PRSS12: variants seen among roughly 807,000 people sequenced by gnomAD.
The protein encoded by PRSS12 is neurotrypsin.
Under a neutral mutation model 104.4 loss-of-function variants are expected in PRSS12, and 85 were observed. The ratio of observed to expected loss-of-function variants is 0.81; its 90% CI spans 0.68 to 0.98. PRSS12 has a LOEUF of 0.98. Among genes scored for constraint, PRSS12 ranks in the 50% least tolerant of loss-of-function variants. The pLI, the probability that PRSS12 is intolerant of heterozygous loss-of-function variation, is 0.00. For synonymous variants in PRSS12, 454 were observed against 425.2 expected (o/e 1.07, Z -0.83); for missense variants, 1,141 against 1,139.2 (o/e 1.00, Z -0.02).
At chr4:118,334,556 A>T (rs1384012295) in intron 3 of PRSS12, among the ~76,000 whole-genome samples, 1 of 152,140 alleles carries the variant, frequency 6.6e-6, no homozygotes, top group Non-Finnish European at 1.5e-5. Flanking sequence ...TGCCTCTCCC[A>T]GTCAAAAAAA....
At chr4:118,294,328 C>CA (rs1743201690) in intron 11 of PRSS12, among the ~76,000 whole-genome samples, 1 of 152,016 alleles carries the variant, frequency 6.6e-6, no homozygotes, top group South Asian at 2.1e-4. Flanking sequence ...CCAAGGCCCA[C>CA]AAAAAAGCAC....
chr4:118,349,688 C>T (rs1724443525), intron 1 of PRSS12, among the ~76,000 whole-genome samples: 1 of 152,088 alleles, frequency 6.6e-6, no homozygotes, highest in African/African-American at 2.4e-5. Context: ...AATGCAGGAA[C>T]TCACTCAGAA....
intron 4 of PRSS12, among the ~76,000 whole-genome samples, chr4:118,331,424 T>C (rs80015778): frequency 6.6e-6 from 1 of 152,258 alleles, no homozygotes; most frequent in African/African-American, 2.4e-5. Context: ...GTCACTATAG[T>C]TTACAGTGCT....
chr4:118,282,079 G>A lies in PRSS12; in HGVS notation c.2485C>T (p.Leu829Phe), dbSNP rs769190204. ...DSCQGDSGGPLMCERPGESWV... is the reference protein window; with the variant it reads ...DSCQGDSGGPFMCERPGESWV... The stretch of plus-strand genomic sequence containing the variant: ...CTCTCTCCGGGCCGTTCACACATGA[G>A]TGGTCCTCCGCTGTCTCCCTGGCAG... The change falls in exon 13 of 13, where the codon CTC becomes TTC. Residue 829 changes from leucine to phenylalanine, a missense_variant. By Grantham distance (22) the Leu-to-Phe change is conservative. Coordinates refer to ENST00000296498, the MANE Select transcript of PRSS12 (RefSeq NM_003619.4). 1 of 1,614,044 alleles carries A rather than the reference G, an allele frequency of 6.2e-7. No individual in the cohort carries two copies. Among genetic ancestry groups the A allele is most frequent in the Non-Finnish European group, 8.5e-7 (1 of 1,180,038 alleles).
intron 11 of PRSS12, among the ~76,000 whole-genome samples, chr4:118,289,839 C>A (rs951409157): frequency 6.6e-6 from 1 of 152,162 alleles, no homozygotes; most frequent in Non-Finnish European, 1.5e-5. Context: ...TTAAAAGAAT[C>A]TTGTATTATA....
In PRSS12 at chr4:118,308,540, T is replaced by C; in HGVS notation, c.1527A>G (p.Lys509=). 1 of 1,614,074 alleles carries C rather than the reference T, an allele frequency of 6.2e-7. No individual in the cohort carries two copies. Among genetic ancestry groups the C allele is most frequent in the Non-Finnish European group, 8.5e-7 (1 of 1,179,970 alleles). ...TGATAAAAACCTCCACTCGTCCTTC[T>C]TTCTTATTTTCTCCATCCATCAGTC... ...PVRLMDGENK[K]EGRVEVFING... Residue 509 remains lysine, a synonymous_variant, in exon 8 of 13, where the codon AAA becomes AAG. Coordinates refer to ENST00000296498, the MANE Select transcript of PRSS12 (RefSeq NM_003619.4).
rs186824625 is a variant in PRSS12 at position 118,351,617 on chromosome 4, T to C, written c.502+602A>G. 2.7e-3 allele frequency among the ~76,000 whole-genome samples: 417 copies of C among 152,308 alleles called. 2 individuals are homozygous for C. Among genetic ancestry groups the C allele is most frequent in the African/African-American group, 9.4e-3 (392 of 41,562 alleles). Reference sequence around the variant, plus strand: ...TTCCCATCTCTTTTCCCTTTCTTTTTTTCCAGTCACTGATGATACTTACCA... The same window carrying C: ...TTCCCATCTCTTTTCCCTTTCTTTTCTTCCAGTCACTGATGATACTTACCA... On this transcript the variant is annotated intron_variant, in intron 1 of 12. Transcript: ENST00000296498.
chr4:118,291,445 A>T (rs891862056), intron 11 of PRSS12, among the ~76,000 whole-genome samples: 1 of 152,200 alleles, frequency 6.6e-6, no homozygotes, highest in Non-Finnish European at 1.5e-5. Flanking sequence ...CCATCTTTGA[A>T]CTGTCCTCGT....
intron 2 of PRSS12, among the ~76,000 whole-genome samples, chr4:118,337,634 T>A (rs1291391324): frequency 1.3e-5 from 2 of 152,146 alleles, no homozygotes; most frequent in Non-Finnish European, 2.9e-5. Context: ...ACCTAAGGCC[T>A]GGGACATCAC....
chr4:118,305,120 TACACAC>T (rs1251673991), intron 8 of PRSS12, among the ~76,000 whole-genome samples: 4 of 141,338 alleles, frequency 2.8e-5, no homozygotes, highest in African/African-American at 1.0e-4. Flanking sequence ...TATATATATA[TACACAC>T]ACACACACAC....
At chr4:118,330,630 T>G (rs940687840) in intron 4 of PRSS12, among the ~76,000 whole-genome samples, 7 of 152,156 alleles carry the variant, frequency 4.6e-5, no homozygotes, top group Non-Finnish European at 1.0e-4. Flanking sequence ...CCAAGGACAC[T>G]GTAGGGGCAA....
intron 1 of PRSS12, among the ~76,000 whole-genome samples, chr4:118,351,599 C>A (rs563579129): frequency 7.2e-5 from 11 of 152,268 alleles, no homozygotes; most frequent in African/African-American, 2.6e-4. Context: ...GTATTCCCAT[C>A]TCTTTTCCCT....
rs980368947 is a variant in PRSS12, at chr4:118,282,114, C to T, written c.2450G>A (p.Arg817His). ...GCTGTCTCCCTGGCAGCTGTCCACG[C>T]GTTTGTGTTCATGGAGGTTTCCAGC... ...LCAGNLHEHK[R>H]VDSCQGDSGG... is the part of the protein sequence containing the mutation. The change falls in exon 13 of 13, where the codon CGC becomes CAC. Residue 817 changes from arginine to histidine, a missense_variant. Coordinates refer to ENST00000296498, the MANE Select transcript of PRSS12 (RefSeq NM_003619.4). 9.3e-6 allele frequency: 15 copies of T among 1,614,074 alleles called. No homozygotes were observed. Among genetic ancestry groups the T allele is most frequent in the Middle Eastern group, 1.6e-4 (1 of 6,084 alleles).
chr4:118,295,740 T>C (rs773377590), intron 10 of PRSS12, 38 bp downstream of exon 10: 1 of 1,546,802 alleles, frequency 6.5e-7, no homozygotes, highest in African/African-American at 1.4e-5. Flanking sequence ...TATAAATAAT[T>C]CTGTAATATA....
intron 12 of PRSS12, among the ~76,000 whole-genome samples, chr4:118,282,602 T>C (rs1396669724): frequency 6.6e-6 from 1 of 152,228 alleles, no homozygotes; most frequent in South Asian, 2.1e-4. Context: ...CATCAATTCA[T>C]ATCTACTTCA....
chr4:118,352,294 CGTCGGGGCTCCGACAAA>C lies in PRSS12; in HGVS notation c.410_426del (p.Phe137TrpfsTer36). On this transcript the variant is annotated frameshift_variant, in exon 1 of 13. Transcript: ENST00000296498. LOFTEE classifies it high-confidence loss of function. ...TAGAAACACCAGGGTCTGCCCGCGC[CGTCGGGGCTCCGACAAA>C]AGTTGTGGCGCTGTCCTCGCAGCTG... 3.1e-6 allele frequency: 5 copies of C among 1,604,946 alleles called. No individual in the cohort carries two copies. Among genetic ancestry groups the C allele is most frequent in the Non-Finnish European group, 4.2e-6 (5 of 1,177,494 alleles).
At chr4:118,295,904 G>A (rs1351434731) in intron 9 of PRSS12, 48 bp from the exon 10 acceptor site, 2 of 1,507,454 alleles carry the variant, frequency 1.3e-6, no homozygotes, top group Non-Finnish European at 1.8e-6. Flanking sequence ...TGCTGACAGA[G>A]GGGTAAGACG....
At chr4:118,295,185 G>T (rs1458783349) in intron 10 of PRSS12, 124 bp from the exon 11 acceptor site, 4 of 1,274,694 alleles carry the variant, frequency 3.1e-6, no homozygotes, top group Non-Finnish European at 4.4e-6. Flanking sequence ...GAAAGCAAAA[G>T]GGACTCCAGG....
chr4:118,304,708 C>T (rs954321987), intron 8 of PRSS12, among the ~76,000 whole-genome samples: 10 of 152,100 alleles, frequency 6.6e-5, no homozygotes, highest in Middle Eastern at 3.4e-3. Context: ...CAACAATCTA[C>T]GAACAATATG....
Sources: allele counts gnomAD v4.1 joint callset (sites outside exome capture counted in the v4.1 genomes callset), GRCh38; gene constraint gnomAD v4.1.1; transcripts MANE v1.5; gene names NCBI Gene and HGNC (gene_info 2026-07-23, HGNC 2026-07-21).